The following SPTBN1 variants were observed in gnomAD, a reference collection of about 807,000 sequenced individuals.
The protein encoded by SPTBN1 is spectrin beta, non-erythrocytic 1.
In SPTBN1, 32 loss-of-function variants were observed where a neutral mutation model predicts 266.4. That is an observed-to-expected ratio of 0.12 (90% CI 0.09 to 0.16). The LOEUF is 0.16. SPTBN1 is among the 10% of genes least tolerant of loss of function. The pLI, the probability that SPTBN1 is intolerant of heterozygous loss-of-function variation, is 1.00. For missense variants in SPTBN1, 2,296 were observed against 3,067.1 expected (o/e 0.75, Z 5.94); for synonymous variants, 1,336 against 1,162.2 (o/e 1.15, Z -3.04).
intron 1 of SPTBN1, among the ~76,000 whole-genome samples, chr2:54,470,377 C>G (rs1372016103): frequency 6.6e-6 from 1 of 152,156 alleles, no homozygotes; most frequent in Non-Finnish European, 1.5e-5. Flanking sequence ...GTGAAATAAA[C>G]CTATCTTTAG....
intron 2 of SPTBN1, among the ~76,000 whole-genome samples, chr2:54,579,799 C>A (rs1416246048): frequency 6.6e-6 from 1 of 152,180 alleles, no homozygotes; most frequent in Non-Finnish European, 1.5e-5. Context: ...GTTTGTCAGG[C>A]TTTGCCAGAA....
chr2:54,476,164 G>A (rs1007317011), intron 1 of SPTBN1, among the ~76,000 whole-genome samples: 3 of 151,984 alleles, frequency 2.0e-5, no homozygotes, highest in African/African-American at 4.8e-5. Flanking sequence ...TTACTTGTCC[G>A]TCACATGGTG....
intron 1 of SPTBN1, among the ~76,000 whole-genome samples, chr2:54,471,799 G>GTTTTTTTTTTT (rs1693932488): frequency 6.4e-5 from 2 of 31,494 alleles, no homozygotes; most frequent in Non-Finnish European, 1.0e-4. Flanking sequence ...CTTTTTTATC[G>GTTTTTTTTTTT]ATTTTTTTTT....
At chr2:54,589,867 C>T (rs1229214387) in intron 2 of SPTBN1, among the ~76,000 whole-genome samples, 1 of 152,182 alleles carries the variant, frequency 6.6e-6, no homozygotes, top group East Asian at 1.9e-4. Context: ...AGGGGGACTC[C>T]ACCCTACCAC....
intron 1 of SPTBN1, among the ~76,000 whole-genome samples, chr2:54,522,035 C>A (rs1274658003): frequency 6.6e-6 from 1 of 151,826 alleles, no homozygotes; most frequent in Non-Finnish European, 1.5e-5. Flanking sequence ...GTAGCTGGAA[C>A]CACAGGCGCA....
intron 2 of SPTBN1, among the ~76,000 whole-genome samples, chr2:54,579,463 C>T (rs1324341453): frequency 2.6e-5 from 4 of 152,126 alleles, no homozygotes. Flanking sequence ...CCATAGGGAC[C>T]GTGGCCCCCA....
At chr2:54,488,023 G>C (rs1409935126) in intron 1 of SPTBN1, among the ~76,000 whole-genome samples, 1 of 151,726 alleles carries the variant, frequency 6.6e-6, no homozygotes, top group Non-Finnish European at 1.5e-5. Context: ...TAGAGACGGG[G>C]TTTCACTGTG....
chr2:54,531,345 G>A (rs1263787071), intron 2 of SPTBN1, among the ~76,000 whole-genome samples: 2 of 152,176 alleles, frequency 1.3e-5, no homozygotes, highest in African/African-American at 4.8e-5. Flanking sequence ...AGCATACCCA[G>A]TTGGTACTGG....
chr2:54,515,469 A>G (rs1670063363), intron 1 of SPTBN1, among the ~76,000 whole-genome samples: 2 of 152,054 alleles, frequency 1.3e-5, no homozygotes, highest in South Asian at 4.1e-4. Flanking sequence ...TTTAGCTTGG[A>G]TAGTGTTTTT....
At chr2:54,583,656 T>C (rs1675097555) in intron 2 of SPTBN1, among the ~76,000 whole-genome samples, 2 of 152,244 alleles carry the variant, frequency 1.3e-5, no homozygotes, top group South Asian at 4.1e-4. Flanking sequence ...TGCCGTATTA[T>C]GCTTACAAAT....
At chr2:54,636,162 C>T (rs1679114579) in intron 17 of SPTBN1, among the ~76,000 whole-genome samples, 1 of 152,082 alleles carries the variant, frequency 6.6e-6, no homozygotes, top group African/African-American at 2.4e-5. Flanking sequence ...AAACTATTTT[C>T]ATTTAGCATT....
intron 1 of SPTBN1, among the ~76,000 whole-genome samples, chr2:54,480,747 C>G (rs1668052291): frequency 6.6e-6 from 1 of 152,156 alleles, no homozygotes; most frequent in Non-Finnish European, 1.5e-5. Context: ...AAAAAGAATT[C>G]AGTCTGGTTT....
chr2:54,581,407 A>G (rs1558865575), intron 2 of SPTBN1, among the ~76,000 whole-genome samples: 1 of 152,082 alleles, frequency 6.6e-6, no homozygotes, highest in African/African-American at 2.4e-5. Flanking sequence ...CCACTTACCC[A>G]GGACATGGGT....
At chr2:54,654,063 G>A (rs1031064192) in intron 27 of SPTBN1, among the ~76,000 whole-genome samples, 1 of 152,098 alleles carries the variant, frequency 6.6e-6, no homozygotes, top group African/African-American at 2.4e-5. Flanking sequence ...GGGAGCCTGG[G>A]GTTATCAAAG....
Position 54,626,286 on chromosome 2 carries a change from C to G in SPTBN1, c.1644+52C>G, listed in dbSNP as rs1558441608. The G allele has an allele frequency of 6.4e-7, 1 of 1,556,460 alleles. No homozygotes were observed. The highest frequency in any genetic ancestry group is 1.9e-5 in the Admixed American group (1 of 53,734). On this transcript the variant is annotated intron_variant, in intron 12 of 35. Transcript: ENST00000356805. The surrounding 1 kb of genome is among the most constrained non-coding windows in gnomAD (Gnocchi z 4.7). Reference sequence around the variant, plus strand: ...ACAGAGCTGATCCAACCAGGGCTCTCTTTTCTGTGACTCATTCACTAAACC... The same window carrying G: ...ACAGAGCTGATCCAACCAGGGCTCTGTTTTCTGTGACTCATTCACTAAACC...
chr2:54,658,327 A>G (rs1401884918), intron 30 of SPTBN1, among the ~76,000 whole-genome samples: 2 of 151,928 alleles, frequency 1.3e-5, no homozygotes, highest in African/African-American at 4.8e-5. Flanking sequence ...TTTTTCTTCG[A>G]ATCTTTCATT....
rs963348383 is a variant in SPTBN1, at chr2:54,554,198, T to A, written c.148+27632T>A. 5.9e-5 allele frequency among the ~76,000 whole-genome samples: 9 copies of A among 152,192 alleles called. No individual in the cohort carries two copies. Among genetic ancestry groups the A allele is most frequent in the African/African-American group, 2.2e-4 (9 of 41,444 alleles). ...TTCAGAAAAGCTTAGAAACCCATAG[T>A]AAGCTGGATATACTCTGAGCATATG... On this transcript the variant is annotated intron_variant, in intron 2 of 35. Transcript: ENST00000356805. The surrounding 1 kb of genome is among the most constrained non-coding windows in gnomAD (Gnocchi z 4.5).
At chr2:54,582,163 C>T (rs1308487910) in intron 2 of SPTBN1, among the ~76,000 whole-genome samples, 1 of 152,176 alleles carries the variant, frequency 6.6e-6, no homozygotes, top group African/African-American at 2.4e-5. Flanking sequence ...TGCTCAAATA[C>T]ATTAATGCAA....
At chr2:54,551,828 CT>C (rs202128178) in intron 2 of SPTBN1, among the ~76,000 whole-genome samples, 10 of 151,540 alleles carry the variant, frequency 6.6e-5, no homozygotes, top group Admixed American at 5.9e-4. Flanking sequence ...TTTGTCCTCT[CT>C]TTTTTTTTCT....
Sources: gnomAD v4.1 joint callset for allele counts (sites outside exome capture counted in the v4.1 genomes callset) on GRCh38, gnomAD v4.1.1 for gene constraint, Gnocchi (gnomAD v3.1) non-coding constraint, MANE v1.5 for transcripts, NCBI Gene and HGNC (gene_info 2026-07-23, HGNC 2026-07-21) for gene names.